The following PNPLA7 variants were observed in gnomAD, a reference collection of about 807,000 sequenced individuals.
PNPLA7 encodes patatin-like phospholipase domain-containing protein 7.
A neutral mutation model predicts 161.7 loss-of-function variants in PNPLA7; 153 were observed. That is an observed-to-expected ratio of 0.95 (90% CI 0.83 to 1.08). The LOEUF is 1.08. Ranked by LOEUF, PNPLA7 falls within the 50% of genes least tolerant of loss-of-function variation. The pLI, the probability that PNPLA7 is intolerant of heterozygous loss-of-function variation, is 0.00. For synonymous variants in PNPLA7, 809 were observed against 782.1 expected (o/e 1.03, Z -0.57); for missense variants, 1,739 against 1,856.6 (o/e 0.94, Z 1.16).
intron 9 of PNPLA7, 115 bp from the exon 10 acceptor site, chr9:137,521,831 C>A (rs1835009429): frequency 2.5e-6 from 2 of 799,414 alleles, no homozygotes; most frequent in East Asian, 5.7e-5. Context: ...ATGCCACAGA[C>A]CGAACCCTCT....
Position 137,520,178 on chromosome 9 carries a change from AGG to A in PNPLA7, c.958-137_958-136del. On this transcript the variant is annotated intron_variant, in intron 10 of 34. Coordinates refer to ENST00000406427, the MANE Select transcript of PNPLA7 (RefSeq NM_001098537.3). This position sits in a 1 kb window ranked among gnomAD's most constrained non-coding sequence, Gnocchi z 5.2. Reference sequence around the variant, plus strand: ...GGTGTGGGCCCCTCAAAGGTGTGACAGGTGTGGGACTCTCAAAGGTGTGACAG... The same window carrying A: ...GGTGTGGGCCCCTCAAAGGTGTGACATGTGGGACTCTCAAAGGTGTGACAG... 1 of 1,307,502 alleles carries A rather than the reference AGG, an allele frequency of 7.6e-7. No homozygotes were observed. The highest frequency in any genetic ancestry group is 1.1e-6 in the Non-Finnish European group (1 of 952,218). The allele number at this position is 1,307,502 out of a possible 1,614,324, so 81.0% of individuals were successfully genotyped here. A position where few individuals can be genotyped will look rare whatever the true frequency, so the allele number is the denominator to read the frequency against.
At chr9:137,482,996 C>T (rs377628096) in intron 21 of PNPLA7, among the ~76,000 whole-genome samples, 10 of 152,174 alleles carry the variant, frequency 6.6e-5, no homozygotes, top group African/African-American at 2.4e-4. Context: ...CCTCAGCCTC[C>T]CTGGTAGCTG....
intron 4 of PNPLA7, among the ~76,000 whole-genome samples, chr9:137,544,249 C>G (rs1354489609): frequency 6.6e-6 from 1 of 152,228 alleles, no homozygotes. Flanking sequence ...CTGGAACAGT[C>G]TTCCTCCCTT....
chr9:137,473,067 G>GC (rs1831785904), intron 25 of PNPLA7, among the ~76,000 whole-genome samples: 1 of 152,230 alleles, frequency 6.6e-6, no homozygotes, highest in Non-Finnish European at 1.5e-5. Context: ...ATGGTGGCAG[G>GC]CAAGGGCACA....
chr9:137,544,839 AG>A (rs1174658299), intron 4 of PNPLA7, among the ~76,000 whole-genome samples: 1 of 152,068 alleles, frequency 6.6e-6, no homozygotes, highest in Non-Finnish European at 1.5e-5. Context: ...TAGTAGAGAC[AG>A]GGTTTCGCCA....
chr9:137,544,870 G>A (rs566072192), intron 4 of PNPLA7, among the ~76,000 whole-genome samples: 2 of 152,226 alleles, frequency 1.3e-5, no homozygotes, highest in South Asian at 2.1e-4. Context: ...GGCTGGTCTC[G>A]AACTCCTGAC....
At chr9:137,506,312 C>T (rs555959865) in intron 12 of PNPLA7, among the ~76,000 whole-genome samples, 1 of 152,340 alleles carries the variant, frequency 6.6e-6, no homozygotes, top group East Asian at 1.9e-4. Context: ...CACACGGTGC[C>T]TTCAACATTT....
chr9:137,517,478 G>C (rs1417865409), intron 11 of PNPLA7, among the ~76,000 whole-genome samples: 2 of 18,044 alleles, frequency 1.1e-4, no homozygotes, highest in East Asian at 2.6e-3. Context: ...TCCATCCCCC[G>C]TCACTCACTC....
intron 14 of PNPLA7, among the ~76,000 whole-genome samples, chr9:137,503,808 G>GGAAGAAGAAA (rs1833686742): frequency 3.1e-3 from 1 of 326 alleles, no homozygotes; most frequent in Non-Finnish European, 6.0e-3. Context: ...GAAGGAAGAA[G>GGAAGAAGAAA]GAAGAAGATG....
At chr9:137,470,955 C>G (rs1262851802) in intron 25 of PNPLA7, among the ~76,000 whole-genome samples, 1 of 152,188 alleles carries the variant, frequency 6.6e-6, no homozygotes, top group Non-Finnish European at 1.5e-5. Context: ...CACAAAATGC[C>G]AACAGCCAAG....
In PNPLA7 at chr9:137,520,901, C is replaced by T. The variant is rs1400749680; in HGVS notation, c.957+735G>A. The stretch of plus-strand genomic sequence containing the variant: ...GGCAACACACAGGGAGTGCTGGCAA[C>T]AGGGACCCCATGGGACGGGCATGGG... On this transcript the variant is annotated intron_variant, in intron 10 of 34. Transcript: ENST00000406427. This position sits in a 1 kb window ranked among gnomAD's most constrained non-coding sequence, Gnocchi z 5.2. Among the ~76,000 whole-genome samples the T allele has an allele frequency of 2.6e-5, 4 of 152,204 alleles. No individual in the cohort carries two copies. Among genetic ancestry groups the T allele is most frequent in the Non-Finnish European group, 5.9e-5 (4 of 68,030 alleles).
At position 137,540,939 on chromosome 9, in the gene PNPLA7, G is replaced by T. The variant is rs1413055058; in HGVS notation, c.667-217C>A. ...GAAGCGGCAGCAAGGAAAACAGACG[G>T]AGGAGACCCCACCTCTCCATCCCAT... On this transcript the variant is annotated intron_variant, in intron 7 of 34. Transcript: ENST00000406427. The surrounding 1 kb of genome is among the most constrained non-coding windows in gnomAD (Gnocchi z 5.1). 7.6e-6 allele frequency: 4 copies of T among 525,292 alleles called. No homozygotes were observed. The highest frequency in any genetic ancestry group is 1.4e-5 in the Non-Finnish European group (4 of 287,948). 32.5% of individuals were successfully genotyped at this position (525,292 alleles called of 1,614,324 possible). A position where few individuals can be genotyped will look rare whatever the true frequency, so the allele number is the denominator to read the frequency against.
intron 24 of PNPLA7, 53 bp downstream of exon 24, chr9:137,479,003 C>G: frequency 6.7e-7 from 1 of 1,484,406 alleles, no homozygotes; most frequent in Non-Finnish European, 9.0e-7. Context: ...TTCGAACGTT[C>G]GAGGAAATGA....
At chr9:137,533,891 G>C (rs375097256) in intron 8 of PNPLA7, among the ~76,000 whole-genome samples, 3 of 123,396 alleles carry the variant, frequency 2.4e-5, no homozygotes, top group Admixed American at 8.3e-5. Flanking sequence ...ACTCCTCAGT[G>C]AGTGTCCCCT....
chr9:137,493,854 A>G (rs1814557175), intron 19 of PNPLA7, among the ~76,000 whole-genome samples: 1 of 152,202 alleles, frequency 6.6e-6, no homozygotes, highest in African/African-American at 2.4e-5. Flanking sequence ...CTGCACTCAC[A>G]TGCTCCGCCA....
chr9:137,474,606 A>C (rs1831854524), intron 25 of PNPLA7, among the ~76,000 whole-genome samples: 1 of 152,238 alleles, frequency 6.6e-6, no homozygotes, highest in Non-Finnish European at 1.5e-5. Flanking sequence ...CTGCAAGTAC[A>C]TTTGAGAAAA....
intron 20 of PNPLA7, among the ~76,000 whole-genome samples, chr9:137,485,926 C>T (rs1832457963): frequency 6.6e-6 from 1 of 152,142 alleles, no homozygotes; most frequent in East Asian, 1.9e-4. Context: ...TTACTGGATG[C>T]CGTCTGGCGA....
Position 137,541,464 on chromosome 9 carries a change from C to T in PNPLA7, c.667-742G>A, listed in dbSNP as rs949020926. 4.1e-6 allele frequency: 4 copies of T among 985,334 alleles called. No individual in the cohort carries two copies. Among genetic ancestry groups the T allele is most frequent in the African/African-American group, 3.5e-5 (2 of 57,242 alleles). The allele number at this position is 985,334 out of a possible 1,614,324, so 61.0% of individuals were successfully genotyped here. ...AGCAGCGCTTTTGGTCTAGAAACCCCGACAGGCAGTGCCGGAGCTGGCGTG... is the reference window on the plus strand; with the variant it reads ...AGCAGCGCTTTTGGTCTAGAAACCCTGACAGGCAGTGCCGGAGCTGGCGTG... On this transcript the variant is annotated intron_variant, in intron 7 of 34. Transcript: ENST00000406427. This position sits in a 1 kb window ranked among gnomAD's most constrained non-coding sequence, Gnocchi z 4.4.
intron 15 of PNPLA7, 126 bp from the exon 16 acceptor site, chr9:137,501,022 T>C (rs1441568814): frequency 4.9e-5 from 37 of 758,738 alleles, no homozygotes; most frequent in Non-Finnish European, 6.4e-5. Context: ...TGATCAGCTC[T>C]GGGCATGGAC....
Sources: allele counts gnomAD v4.1 joint callset (sites outside exome capture counted in the v4.1 genomes callset), GRCh38; gene constraint gnomAD v4.1.1; non-coding constraint Gnocchi (gnomAD v3.1); transcripts MANE v1.5; gene names NCBI Gene and HGNC (gene_info 2026-07-23, HGNC 2026-07-21).